Variants in EML6 observed in about 807,000 individuals in gnomAD.
EML6 encodes the protein echinoderm microtubule-associated protein-like 6.
In EML6, 154 loss-of-function variants were observed where a neutral mutation model predicts 240.1. The observed-to-expected ratio is 0.64, with a 90% CI of 0.56 to 0.73. The LOEUF (loss-of-function observed/expected upper bound fraction) is 0.73, where lower values mean the gene tolerates loss of function less well. EML6 is among the 30% of genes least tolerant of loss of function. The pLI is 0.00. For synonymous variants in EML6, 1,148 were observed against 899.0 expected (o/e 1.28, Z -4.95); for missense variants, 2,964 against 2,474.6 (o/e 1.20, Z -4.20).
chr2:54,788,796 A>G (rs1223558804), intron 2 of EML6, among the ~76,000 whole-genome samples: 1 of 152,208 alleles, frequency 6.6e-6, no homozygotes, highest in Non-Finnish European at 1.5e-5. Context: ...AGGAATCAAA[A>G]CATTATTTCT....
chr2:54,844,732 A>G (rs1209834476), intron 8 of EML6, among the ~76,000 whole-genome samples: 2 of 152,234 alleles, frequency 1.3e-5, no homozygotes, highest in East Asian at 1.9e-4. Context: ...GAACAGCATC[A>G]TCAGATGAAA....
At position 54,725,997 on chromosome 2, in the gene EML6, C is replaced by G. The variant is rs946396665; in HGVS notation, c.197+739C>G. Among the ~76,000 whole-genome samples, 2 of 152,134 alleles carry G rather than the reference C, an allele frequency of 1.3e-5. No homozygotes were observed. Among genetic ancestry groups the G allele is most frequent in the African/African-American group, 4.8e-5 (2 of 41,420 alleles). ...TGAATGGCCGTTTTAGGGGCCCTCC[C>G]GATTAAATGGAAAGGGGTTATATTG... On this transcript the variant is annotated intron_variant, in intron 2 of 41. Transcript: ENST00000356458. The surrounding 1 kb of genome is among the most constrained non-coding windows in gnomAD (Gnocchi z 4.3).
rs949443680 is a variant in EML6, at chr2:54,959,032, G to C, written c.4696-72G>C. On this transcript the variant is annotated intron_variant, in intron 33 of 41. Coordinates refer to ENST00000356458, the MANE Select transcript of EML6 (RefSeq NM_001039753.4). ...GCATCTCTAGCTCTGGTTCCTTAAT[G>C]AGAGAACGGGTGGCTGGGGAGGGAC... 2.1e-6 allele frequency: 3 copies of C among 1,405,000 alleles called. No individual in the cohort carries two copies. In the African/African-American group the frequency reaches 4.3e-5, roughly 20 times the overall value. The allele number at this position is 1,405,000 out of a possible 1,614,324, so 87.0% of individuals were successfully genotyped here. A position where few individuals can be genotyped will look rare whatever the true frequency, so the allele number is the denominator to read the frequency against.
intron 10 of EML6, among the ~76,000 whole-genome samples, chr2:54,852,055 T>C (rs906104349): frequency 5.3e-5 from 8 of 152,192 alleles, no homozygotes; most frequent in Admixed American, 2.0e-4. Flanking sequence ...AACACAACAT[T>C]TCAAGATTTA....
intron 11 of EML6, among the ~76,000 whole-genome samples, chr2:54,854,514 A>G (rs527591623): frequency 1.3e-5 from 2 of 152,340 alleles, no homozygotes; most frequent in African/African-American, 2.4e-5. Flanking sequence ...CAAAGCCCAT[A>G]TTCAGGCTCT....
At chr2:54,728,234 A>G (rs141979361) in intron 2 of EML6, among the ~76,000 whole-genome samples, 1 of 152,244 alleles carries the variant, frequency 6.6e-6, no homozygotes, top group African/African-American at 2.4e-5. Context: ...GACTGGGATA[A>G]TTACTAACTT....
chr2:54,903,224 A>G (rs752123053), intron 23 of EML6, 28 bp downstream of exon 23: 1 of 1,547,484 alleles, frequency 6.5e-7, no homozygotes. Context: ...TACTTTTTAA[A>G]ATAGCACAGT....
chr2:54,905,286 G>GTAGAA (rs1178644137), intron 24 of EML6, among the ~76,000 whole-genome samples: 1 of 139,936 alleles, frequency 7.1e-6, no homozygotes, highest in East Asian at 2.4e-4. Context: ...CTCTTGCCAG[G>GTAGAA]TAGAATAGGG....
chr2:54,791,343 C>G (rs1049404336), intron 2 of EML6, among the ~76,000 whole-genome samples: 4 of 152,194 alleles, frequency 2.6e-5, no homozygotes, highest in African/African-American at 9.6e-5. Flanking sequence ...TGCCTACATT[C>G]TGTCCAGTTT....
At chr2:54,907,727 C>T (rs748033994) in intron 24 of EML6, among the ~76,000 whole-genome samples, 7 of 152,032 alleles carry the variant, frequency 4.6e-5, no homozygotes, top group Non-Finnish European at 8.8e-5. Context: ...GGGTGTCTTT[C>T]AGTTTTTAAT....
At chr2:54,804,873 C>T (rs1232574611) in intron 2 of EML6, among the ~76,000 whole-genome samples, 1 of 152,184 alleles carries the variant, frequency 6.6e-6, no homozygotes, top group African/African-American at 2.4e-5. Flanking sequence ...TTTTAACATA[C>T]ATGAGGATGT....
intron 2 of EML6, among the ~76,000 whole-genome samples, chr2:54,773,701 A>G (rs1216506294): frequency 6.6e-6 from 1 of 152,198 alleles, no homozygotes; most frequent in Admixed American, 6.5e-5. Context: ...CATCTACTGT[A>G]TTTACAACTG....
intron 2 of EML6, among the ~76,000 whole-genome samples, chr2:54,801,229 A>T (rs2103970601): frequency 6.6e-6 from 1 of 151,700 alleles, no homozygotes; most frequent in African/African-American, 2.4e-5. Flanking sequence ...CTGGGGCAGG[A>T]GAGTGAATCC....
At chr2:54,851,891 A>T (rs1670109848) in intron 10 of EML6, among the ~76,000 whole-genome samples, 1 of 152,218 alleles carries the variant, frequency 6.6e-6, no homozygotes, top group African/African-American at 2.4e-5. Flanking sequence ...GTTGGGCAAT[A>T]ATACTCCCAT....
chr2:54,793,877 C>A (rs1053406787), intron 2 of EML6, among the ~76,000 whole-genome samples: 1 of 152,146 alleles, frequency 6.6e-6, no homozygotes, highest in African/African-American at 2.4e-5. Context: ...TCTCTTCCTT[C>A]CCCTAGCCCC....
intron 16 of EML6, among the ~76,000 whole-genome samples, chr2:54,874,105 C>T (rs1051091022): frequency 6.6e-6 from 1 of 152,020 alleles, no homozygotes; most frequent in Non-Finnish European, 1.5e-5. Flanking sequence ...AAATAATTAG[C>T]TCGTGTTATT....
Position 54,888,310 on chromosome 2 carries a change from G to T in EML6, c.2439-2744G>T, listed in dbSNP as rs532780554. Among the ~76,000 whole-genome samples the T allele has an allele frequency of 5.6e-4, 85 of 152,258 alleles. No individual in the cohort carries two copies. The Middle Eastern group carries it at 0.014, about 24-fold the overall frequency. ...CCTGTTCCTTGGGCCAAGCACTAAG[G>T]TTCCACCCATGGTTGCATGCTTGGT... On this transcript the variant is annotated intron_variant, in intron 17 of 41. Coordinates refer to ENST00000356458, the MANE Select transcript of EML6 (RefSeq NM_001039753.4).
At chr2:54,960,035 T>A (rs1453679054) in intron 34 of EML6, among the ~76,000 whole-genome samples, 185 bp from the exon 35 acceptor site, 3 of 152,162 alleles carry the variant, frequency 2.0e-5, no homozygotes, top group Non-Finnish European at 2.9e-5. Context: ...CTCAGGAGGT[T>A]GGGATTGCTT....
intron 30 of EML6, 55 bp from the exon 31 acceptor site, chr2:54,952,539 C>T (rs1676036119): frequency 2.6e-6 from 3 of 1,136,416 alleles, no homozygotes; most frequent in African/African-American, 3.1e-5. Flanking sequence ...TTTGAAGTTG[C>T]CCTAAAAGGT....
Sources: gnomAD v4.1 joint callset for allele counts (sites outside exome capture counted in the v4.1 genomes callset) on GRCh38, gnomAD v4.1.1 for gene constraint, Gnocchi (gnomAD v3.1) non-coding constraint, MANE v1.5 for transcripts, NCBI Gene and HGNC (gene_info 2026-07-23, HGNC 2026-07-21) for gene names.